The following TOGARAM1 variants were observed in gnomAD, a reference collection of about 807,000 sequenced individuals.
The protein encoded by TOGARAM1 is TOG array regulator of axonemal microtubules protein 1.
A neutral mutation model predicts 166.6 loss-of-function variants in TOGARAM1; 100 were observed. The observed-to-expected ratio is 0.60, with a 90% CI of 0.51 to 0.71. The LOEUF (loss-of-function observed/expected upper bound fraction) is 0.71. Among genes scored for constraint, TOGARAM1 ranks in the 30% least tolerant of loss-of-function variants. The probability of loss-of-function intolerance (pLI) is 0.00; values close to 1 mark genes in which losing one functional copy is unlikely to be tolerated. For missense variants in TOGARAM1, 2,029 were observed against 2,102.7 expected, an observed-to-expected ratio of 0.96 and a Z score of 0.69; for synonymous variants, 758 against 763.8, an observed-to-expected ratio of 0.99 and a Z score of 0.13.
intron 1 of TOGARAM1, among the ~76,000 whole-genome samples, chr14:44,964,897 A>G (rs530904826): frequency 2.3e-4 from 34 of 149,884 alleles, no homozygotes; most frequent in Admixed American, 1.1e-3. Flanking sequence ...AAGTAGAAAT[A>G]TAAAGAGTCC....
At chr14:44,991,211 A>C (rs549016843) in intron 1 of TOGARAM1, among the ~76,000 whole-genome samples, 2 of 150,042 alleles carry the variant, frequency 1.3e-5, no homozygotes, top group East Asian at 3.9e-4. Context: ...TCCCACCTCC[A>C]CCTCTCAAAG....
chr14:45,045,583 ATGTGTGTGTGTGTGTG>A (rs1200414644), intron 13 of TOGARAM1, among the ~76,000 whole-genome samples: 155 of 37,354 alleles, frequency 4.1e-3, no homozygotes, highest in African/African-American at 5.5e-3. Flanking sequence ...ATATATATAT[ATGTGTGTGTGTGTGTG>A]TGTGTGTGTG....
At chr14:45,027,881 A>C (rs1412185706) in intron 9 of TOGARAM1, among the ~76,000 whole-genome samples, 1 of 152,066 alleles carries the variant, frequency 6.6e-6, no homozygotes, top group Admixed American at 6.5e-5. Flanking sequence ...CAAGAAAAAA[A>C]AAAAAAAGAA....
chr14:45,038,932 T>C (rs980080109), intron 11 of TOGARAM1, among the ~76,000 whole-genome samples: 3 of 152,186 alleles, frequency 2.0e-5, no homozygotes, highest in Non-Finnish European at 4.4e-5. Context: ...GGGTAGCTCC[T>C]TTCTGCACGC....
Position 44,962,435 on chromosome 14 carries a change from C to A in TOGARAM1, c.14C>A (p.Pro5His), listed in dbSNP as rs755353871. 3 of 1,566,548 alleles carry A rather than the reference C, an allele frequency of 1.9e-6. No individual in the cohort carries two copies. Among genetic ancestry groups the A allele is most frequent in the South Asian group, 1.2e-5 (1 of 84,802 alleles). The change falls in exon 1 of 20, where the codon CCC becomes CAC. Residue 5 changes from proline (P) to histidine (H), a missense_variant. By Grantham distance (77) the Pro-to-His change is moderately conservative. Coordinates refer to ENST00000361462, the MANE Select transcript of TOGARAM1 (RefSeq NM_001308120.2). ...TGACAACCCTGCATGGCGGCTGCCCCCTCCGCGCTGCTTCTGCTGCCGCCC... is the reference window on the plus strand; with the variant it reads ...TGACAACCCTGCATGGCGGCTGCCCACTCCGCGCTGCTTCTGCTGCCGCCC... MAAAPSALLLLPPFP... is the reference protein window; with the variant it reads MAAAHSALLLLPPFP...
chr14:45,034,696 A>AC (rs1881335429), intron 11 of TOGARAM1, among the ~76,000 whole-genome samples: 1 of 152,212 alleles, frequency 6.6e-6, no homozygotes, highest in African/African-American at 2.4e-5. Context: ...TTTGGTTCCT[A>AC]CCCAATGAAG....
chr14:45,017,432 C>CACACACAG lies in TOGARAM1; in HGVS notation c.3238+5359_3238+5360insACACAGAC, dbSNP rs146798483. Among the ~76,000 whole-genome samples, 156 of 151,362 alleles carry CACACACAG rather than the reference C, an allele frequency of 1.0e-3. 1 individual carries two copies. The South Asian group carries it at 0.023, about 22-fold the overall frequency. ...ACACACACACACACACACACACACA[C>CACACACAG]ACGTTTTTAGAAGACATTTTGCCAC... is the stretch of plus-strand genomic sequence containing the variant. On this transcript the variant is annotated intron_variant, in intron 7 of 19. Coordinates refer to ENST00000361462, the MANE Select transcript of TOGARAM1 (RefSeq NM_001308120.2).
intron 7 of TOGARAM1, among the ~76,000 whole-genome samples, chr14:45,015,975 G>A (rs191345716): frequency 2.0e-4 from 31 of 151,834 alleles, no homozygotes; most frequent in African/African-American, 1.2e-4. Flanking sequence ...CAGTTTTTTC[G>A]TTTTTCATGG....
chr14:45,058,273 T>C (rs1024419047), intron 16 of TOGARAM1, among the ~76,000 whole-genome samples: 9 of 152,262 alleles, frequency 5.9e-5, no homozygotes, highest in African/African-American at 2.2e-4. Flanking sequence ...CTGATCACTT[T>C]TGGCTTCCAT....
intron 1 of TOGARAM1, among the ~76,000 whole-genome samples, chr14:44,975,026 ATTTC>A: frequency 6.6e-6 from 1 of 152,138 alleles, no homozygotes; most frequent in Non-Finnish European, 1.5e-5. Context: ...GGCTCTCCCA[ATTTC>A]TTTAGCATTT....
chr14:45,021,975 A>T (rs1025120224), intron 7 of TOGARAM1, among the ~76,000 whole-genome samples: 2 of 151,994 alleles, frequency 1.3e-5, no homozygotes, highest in Non-Finnish European at 2.9e-5. Context: ...AGAGTTTCGG[A>T]TTCTTAGTAA....
chr14:45,068,734 CTAGT>C lies in TOGARAM1; in HGVS notation c.4969+94_4969+97del. 5 of 906,200 alleles carry C rather than the reference CTAGT, an allele frequency of 5.5e-6. No individual in the cohort carries two copies. The East Asian group carries it at 1.1e-4, about 20-fold the overall frequency. The allele number at this position is 906,200 out of a possible 1,614,324, so 56.1% of individuals were successfully genotyped here. ...ATACTTTTTTTGTAATGCTGAAATC[CTAGT>C]TATTCAGTTTTTTAAACTTAATATT... On this transcript the variant is annotated intron_variant, in intron 18 of 19. Coordinates refer to ENST00000361462, the MANE Select transcript of TOGARAM1 (RefSeq NM_001308120.2).
intron 1 of TOGARAM1, among the ~76,000 whole-genome samples, chr14:44,990,044 A>T (rs1402850319): frequency 1.3e-5 from 2 of 152,206 alleles, no homozygotes; most frequent in African/African-American, 4.8e-5. Flanking sequence ...GGTCCCCATG[A>T]TCCAGTCACC....
chr14:45,072,332 G>A (rs1308962837), intron 19 of TOGARAM1, among the ~76,000 whole-genome samples: 3 of 152,146 alleles, frequency 2.0e-5, no homozygotes, highest in Non-Finnish European at 4.4e-5. Context: ...GCCGGACTGG[G>A]TTGTAAATTA....
intron 16 of TOGARAM1, among the ~76,000 whole-genome samples, chr14:45,066,094 G>A (rs549082073): frequency 5.3e-5 from 8 of 152,264 alleles, no homozygotes; most frequent in African/African-American, 1.9e-4. Context: ...ATTTTGGTAT[G>A]TCCTAGGCAG....
At position 44,964,153 on chromosome 14, in the gene TOGARAM1, T is replaced by A; in HGVS notation, c.1732T>A (p.Leu578Ile). 1 of 1,614,228 alleles carries A rather than the reference T, an allele frequency of 6.2e-7. No individual in the cohort carries two copies. Among genetic ancestry groups the A allele is most frequent in the Non-Finnish European group, 8.5e-7 (1 of 1,180,036 alleles). ...AVQARLARKT[L>I]PRLTEQGFVE... ...GCAGGCCAGATTGGCTAGGAAAACC[T>A]TACCAAGGCTCACAGAGCAGGGATT... The change falls in exon 1 of 20, where the codon TTA (leucine) becomes ATA (isoleucine). Residue 578 changes from leucine to isoleucine, a missense_variant. By Grantham distance (5) the Leu-to-Ile change is conservative. This residue lies in a region of TOGARAM1 where 1,453 missense variants were observed against 1,432.2 expected (regional missense o/e 1.01). Transcript: ENST00000361462.
At position 44,963,272 on chromosome 14, in the gene TOGARAM1, G is replaced by A. The variant is rs776623041; in HGVS notation, c.851G>A (p.Gly284Glu). 1 of 1,614,120 alleles carries A rather than the reference G, an allele frequency of 6.2e-7. No homozygotes were observed. The highest frequency in any genetic ancestry group is 8.5e-7 in the Non-Finnish European group (1 of 1,180,028). The stretch of plus-strand genomic sequence containing the variant: ...GCTTTCTCCGCACTTCAACAAATTG[G>A]GGAGCGACTTGGCCAAGACAGGTTT... Reference protein sequence around the residue: ...ETAFSALQQIGERLGQDRFQS... With the variant: ...ETAFSALQQIEERLGQDRFQS... The change falls in exon 1 of 20, where the codon GGG becomes GAG. Residue 284 changes from glycine (G) to glutamate (E), a missense_variant. Physicochemically the swap from Gly to Glu is moderately conservative, Grantham distance 98 (BLOSUM62 -2). Around this residue, in one of 2 missense-constraint regions of TOGARAM1, gnomAD observed 1,453 missense variants for 1,432.2 expected, o/e 1.01. Transcript: ENST00000361462.
intron 1 of TOGARAM1, among the ~76,000 whole-genome samples, chr14:44,976,625 C>A (rs1225274386): frequency 7.2e-6 from 1 of 138,302 alleles, no homozygotes; most frequent in Non-Finnish European, 1.6e-5. Context: ...ATTTAATCAA[C>A]CTTTACCTTT....
In TOGARAM1 at chr14:45,004,452, C is replaced by T. The variant is rs1371010380; in HGVS notation, c.2644+86C>T. On this transcript the variant is annotated intron_variant, in intron 4 of 19. Coordinates refer to ENST00000361462, the MANE Select transcript of TOGARAM1 (RefSeq NM_001308120.2). ...CATAGGGCTGTTAGATCTTTAAAAG[C>T]TAGTAAACTACATTTTATCTGTCTG... 6.1e-6 allele frequency: 6 copies of T among 983,192 alleles called. No homozygotes were observed. The Admixed American group carries it at 1.3e-4, about 22-fold the overall frequency. The allele number at this position is 983,192 out of a possible 1,614,324, so 60.9% of individuals were successfully genotyped here. A position where few individuals can be genotyped will look rare whatever the true frequency, so the allele number is the denominator to read the frequency against.
Sources: gnomAD v4.1 joint callset for allele counts (sites outside exome capture counted in the v4.1 genomes callset) on GRCh38, gnomAD v4.1.1 for gene constraint, gnomAD v4.1.1 regional missense constraint, MANE v1.5 for transcripts, NCBI Gene and HGNC (gene_info 2026-07-23, HGNC 2026-07-21) for gene names.